CYP2A7: variants seen among roughly 807,000 people sequenced by gnomAD.
The protein encoded by CYP2A7 is cytochrome P450 family 2 subfamily A member 7, also known as cytochrome P450 2A7.
CYP2A7 carries 36 observed loss-of-function variants against 42.0 expected under a neutral mutation model. The observed-to-expected ratio is 0.86, with a 90% CI of 0.66 to 1.13. The LOEUF is 1.13. Among genes scored for constraint, CYP2A7 ranks in the 50% most tolerant of loss-of-function variants. CYP2A7 has a pLI of 0.00. For synonymous variants in CYP2A7, 260 were observed against 249.5 expected (o/e 1.04, Z -0.40); for missense variants, 661 against 634.1 (o/e 1.04, Z -0.46).
In CYP2A7 at chr19:40,881,680, A is replaced by C; in HGVS notation, c.252T>G (p.His84Gln). The change falls in exon 2 of 9, where the codon CAT becomes CAG. Residue 84 changes from histidine (H) to glutamine (Q), a missense_variant. By Grantham distance (24) the His-to-Gln change is conservative. Coordinates refer to ENST00000301146, the MANE Select transcript of CYP2A7 (RefSeq NM_000764.3). ...CCACCAGAGCCTCCCTGACGGCATC[A>C]TGTCCACACAGCACCACGACCCGCC... ...GPRRVVVLCG[H>Q]DAVREALVDQ... The C allele has an allele frequency of 1.2e-6, 2 of 1,613,324 alleles. No homozygotes were observed. The highest frequency in any genetic ancestry group is 1.7e-6 in the Non-Finnish European group (2 of 1,179,680).
At chr19:40,877,612 G>C (rs34457531) in intron 6 of CYP2A7, among the ~76,000 whole-genome samples, 116,126 of 151,186 alleles carry the variant, frequency 0.77, 45,150 homozygotes, top group African/African-American at 0.81. Context: ...CCCGGGGGAA[G>C]GGGCAGCGGG....
At chr19:40,880,658 G>A in intron 2 of CYP2A7, 30 bp from the exon 3 acceptor site, 1 of 1,589,580 alleles carries the variant, frequency 6.3e-7, no homozygotes, top group East Asian at 2.3e-5. Context: ...GGTGGAGAGA[G>A]GTCAGGGGGC....
rs535417801 is a variant in CYP2A7 at position 40,878,637 on chromosome 19, A to G, written c.831+123T>C. The G allele has an allele frequency of 5.1e-5, 70 of 1,382,866 alleles. No individual in the cohort carries two copies. In the East Asian group the frequency reaches 1.6e-3, roughly 32 times the overall value. 85.7% of individuals were successfully genotyped at this position (1,382,866 alleles called of 1,614,324 possible). The stretch of plus-strand genomic sequence containing the variant: ...GGCTGTTAGCCACGGCGCCCAGCCA[A>G]TTGTGAGGATTATTATGATGAGGGC... On this transcript the variant is annotated intron_variant, in intron 5 of 8. Transcript: ENST00000301146.
In CYP2A7 at chr19:40,881,577, G is replaced by A. The variant is rs368931842; in HGVS notation, c.343+12C>T. 2.2e-5 allele frequency: 35 copies of A among 1,611,144 alleles called. No individual in the cohort carries two copies. The African/African-American group carries it at 4.4e-4, about 20-fold the overall frequency. On this transcript the variant is annotated intron_variant, in intron 2 of 8. Coordinates refer to ENST00000301146, the MANE Select transcript of CYP2A7 (RefSeq NM_000764.3). ...CGCCTGGCCACCTTCCCCATCTTGG[G>A]CACCCCCTCACCATAGCCTTTGAAG... is the stretch of plus-strand genomic sequence containing the variant.
At chr19:40,880,403 C>G in intron 3 of CYP2A7, 76 bp downstream of exon 3, 4 of 1,571,944 alleles carry the variant, frequency 2.5e-6, no homozygotes, top group Non-Finnish European at 3.5e-6. Context: ...TCCCCATCCG[C>G]AGGCAGAACG....
In CYP2A7 at chr19:40,882,145, A is replaced by G. The variant is rs1306813257; in HGVS notation, c.66T>C (p.Ser22=). Residue 22 remains serine, a synonymous_variant, in exon 1 of 9, where the codon TCT becomes TCC. Coordinates refer to ENST00000301146, the MANE Select transcript of CYP2A7 (RefSeq NM_000764.3). ...LACLTVMVLM[S]VWQQRKSRGK... is the part of the protein sequence containing the mutation. Reference sequence around the variant, plus strand: ...CCCTGCTCTTCCTCTGCTGCCAGACAGACATCAAGACCATCACAGTCAGGC... The same window carrying G: ...CCCTGCTCTTCCTCTGCTGCCAGACGGACATCAAGACCATCACAGTCAGGC... The G allele has an allele frequency of 1.2e-6, 2 of 1,613,992 alleles. No homozygotes were observed. The highest frequency in any genetic ancestry group is 1.7e-6 in the Non-Finnish European group (2 of 1,179,882).
In CYP2A7 at chr19:40,876,252, G is replaced by T. The variant is rs1599790439; in HGVS notation, c.1303+275C>A. 14 of 603,148 alleles carry T rather than the reference G, an allele frequency of 2.3e-5. No homozygotes were observed. In the East Asian group the frequency reaches 4.2e-4, roughly 18 times the overall value. 37.4% of individuals were successfully genotyped at this position (603,148 alleles called of 1,614,324 possible). A position where few individuals can be genotyped will look rare whatever the true frequency, so the allele number is the denominator to read the frequency against. On this transcript the variant is annotated intron_variant, in intron 8 of 8. Transcript: ENST00000301146. ...GCCAGATACACTTGCAAATATGACTGCTGTGCCGTCATCTCCTTTTTAGGG... is the reference window on the plus strand; with the variant it reads ...GCCAGATACACTTGCAAATATGACTTCTGTGCCGTCATCTCCTTTTTAGGG...
Position 40,876,613 on chromosome 19 carries a change from G to T in CYP2A7, c.1217C>A (p.Ser406Tyr). 1 of 1,613,072 alleles carries T rather than the reference G, an allele frequency of 6.2e-7. No homozygotes were observed. Among genetic ancestry groups the T allele is most frequent in the Non-Finnish European group, 8.5e-7 (1 of 1,179,278 alleles). Residue 406 changes from serine (S) to tyrosine (Y), a missense_variant, in exon 8 of 9, where the codon TCC (serine) becomes TAC (tyrosine). Coordinates refer to ENST00000301146, the MANE Select transcript of CYP2A7 (RefSeq NM_000764.3). ...CTGGGGATTGAAGTCCTGAGGGTTG[G>T]AGAAGAAGCTGGGGTCTCTCAGCAC... Reference protein sequence around the residue: ...GSVLRDPSFFSNPQDFNPQHF... With the variant: ...GSVLRDPSFFYNPQDFNPQHF...
chr19:40,882,204 C>T lies in CYP2A7; in HGVS notation c.7G>A (p.Ala3Thr), dbSNP rs754972986. The change falls in exon 1 of 9, where the codon GCC becomes ACC. Residue 3 changes from alanine (A) to threonine (T), a missense_variant. By Grantham distance (58) the Ala-to-Thr change is moderately conservative. Transcript: ENST00000301146. Reference sequence around the variant, plus strand: ...AAGGCCACCAGAAGCAGCCCTGAGGCCAGCATGGTGGTAGTGAGATGACAG... The same window carrying T: ...AAGGCCACCAGAAGCAGCCCTGAGGTCAGCATGGTGGTAGTGAGATGACAG... ML[A>T]SGLLLVALLA... 2.5e-5 allele frequency: 41 copies of T among 1,613,472 alleles called. No individual in the cohort carries two copies. The Middle Eastern group carries it at 9.9e-4, about 39-fold the overall frequency.
At chr19:40,878,447 G>A (rs1372752261) in intron 5 of CYP2A7, among the ~76,000 whole-genome samples, 3 of 151,692 alleles carry the variant, frequency 2.0e-5, no homozygotes, top group African/African-American at 7.3e-5. Flanking sequence ...GTGCAGTGCC[G>A]TGATCTTGGC....
At chr19:40,880,838 A>G (rs1475713989) in intron 2 of CYP2A7, among the ~76,000 whole-genome samples, 1 of 108,124 alleles carries the variant, frequency 9.2e-6, no homozygotes, top group Non-Finnish European at 2.1e-5. Flanking sequence ...AGAGAGAGAG[A>G]GAGAGAGAGA....
At chr19:40,878,197 G>T (rs2935235) in intron 5 of CYP2A7, among the ~76,000 whole-genome samples, 75,529 of 150,962 alleles carry the variant, frequency 0.5, 19,705 homozygotes, top group Admixed American at 0.62. Flanking sequence ...CCTTCTTTAC[G>T]TTGCTGACCA....
chr19:40,880,482 G>C lies in CYP2A7; in HGVS notation c.490C>G (p.His164Asp), dbSNP rs747927011. Residue 164 changes from histidine (H) to aspartate (D), a missense_variant, in exon 3 of 9, where the codon CAC (histidine) becomes GAC (aspartate). Coordinates refer to ENST00000301146, the MANE Select transcript of CYP2A7 (RefSeq NM_000764.3). ...GFLIEAIRST[H>D]GANIDPTFFL... ...GCACTCGGGGAACCTTACTCACCGT[G>C]CGTGCTCCGGATGGCCTCGATGAGG... The C allele has an allele frequency of 6.2e-7, 1 of 1,612,566 alleles. No homozygotes were observed. The highest frequency in any genetic ancestry group is 8.5e-7 in the Non-Finnish European group (1 of 1,178,962).
At chr19:40,877,469 C>T (rs1967562847) in intron 6 of CYP2A7, 92 bp from the exon 7 acceptor site, 19 of 1,547,894 alleles carry the variant, frequency 1.2e-5, no homozygotes, top group Non-Finnish European at 1.7e-5. Context: ...GATGATACGG[C>T]TCCCCCTATG....
At chr19:40,881,353 A>C (rs1356154979) in intron 2 of CYP2A7, among the ~76,000 whole-genome samples, 2 of 151,528 alleles carry the variant, frequency 1.3e-5, no homozygotes, top group Admixed American at 1.3e-4. Context: ...AGGAGACTCC[A>C]GTGAGAGAGA....
rs769139894 is a variant in CYP2A7 at position 40,876,640 on chromosome 19, G to A, written c.1190C>T (p.Ser397Phe). 4.3e-6 allele frequency: 7 copies of A among 1,612,928 alleles called. No individual in the cohort carries two copies. Among genetic ancestry groups the A allele is most frequent in the Non-Finnish European group, 5.9e-6 (7 of 1,179,208 alleles). ...KGTEVFPMLGSVLRDPSFFSN... is the reference protein window; with the variant it reads ...KGTEVFPMLGFVLRDPSFFSN... ...GAAGAAGCTGGGGTCTCTCAGCACG[G>A]AGCCCAGCATAGGGAACACTTCGGT... The change falls in exon 8 of 9, where the codon TCC (serine) becomes TTC (phenylalanine). Residue 397 changes from serine to phenylalanine, a missense_variant. Ser to Phe is a radical substitution (Grantham distance 155, BLOSUM62 -2). Around this residue, in one of 3 missense-constraint regions of CYP2A7, gnomAD observed 614 missense variants for 552.4 expected, o/e 1.11. Coordinates refer to ENST00000301146, the MANE Select transcript of CYP2A7 (RefSeq NM_000764.3).
chr19:40,880,543 T>G lies in CYP2A7; in HGVS notation c.429A>C (p.Arg143=), dbSNP rs752464639. ...ATLRDFGVGK[R]GIEERIQEES... ...CCTCCTGGATGCGCTCCTCGATGCC[T>G]CGCTTGCCCACCCCGAAGTCCCTCA... Residue 143 remains arginine, a synonymous_variant, in exon 3 of 9, where the codon CGA becomes CGC. Transcript: ENST00000301146. The G allele has an allele frequency of 9.9e-6, 16 of 1,611,748 alleles. No homozygotes were observed. The African/African-American group carries it at 1.2e-4, about 12-fold the overall frequency.
Position 40,880,119 on chromosome 19 carries a change from C to T in CYP2A7, c.619G>A (p.Gly207Arg). ...GAGGTTGACGTGAACTGGAAGATTC[C>T]TAGCATCATGCTCAGCAGTGACAGG... Reference protein sequence around the residue: ...EFLSLLSMMLGIFQFTSTSTG... With the variant: ...EFLSLLSMMLRIFQFTSTSTG... The change falls in exon 4 of 9, where the codon GGA (glycine) becomes AGA (arginine). Residue 207 changes from glycine (G) to arginine (R), a missense_variant. Coordinates refer to ENST00000301146, the MANE Select transcript of CYP2A7 (RefSeq NM_000764.3). 1.2e-6 allele frequency: 2 copies of T among 1,613,002 alleles called. No individual in the cohort carries two copies. The highest frequency in any genetic ancestry group is 1.1e-5 in the South Asian group (1 of 91,022).
At chr19:40,879,628 G>T (rs28619553) in intron 4 of CYP2A7, among the ~76,000 whole-genome samples, 74,807 of 150,318 alleles carry the variant, frequency 0.5, 19,349 homozygotes, top group Admixed American at 0.62. Context: ...AGTAGAGGGC[G>T]CTTGGCCAGA....
Sources: gnomAD v4.1 joint callset for allele counts (sites outside exome capture counted in the v4.1 genomes callset) on GRCh38, gnomAD v4.1.1 for gene constraint, gnomAD v4.1.1 regional missense constraint, MANE v1.5 for transcripts, NCBI Gene and HGNC (gene_info 2026-07-23, HGNC 2026-07-21) for gene names.